Variants in ST3GAL3 observed in about 807,000 individuals in gnomAD.
ST3GAL3 encodes the protein CMP-N-acetylneuraminate-beta-1,4-galactoside alpha-2,3-sialyltransferase.
In ST3GAL3, 21 loss-of-function variants were observed where a neutral mutation model predicts 50.1. The observed-to-expected ratio is 0.42, with a 90% CI of 0.30 to 0.60. The LOEUF (loss-of-function observed/expected upper bound fraction) is 0.60, where lower values mean the gene tolerates loss of function less well. ST3GAL3 is among the 20% of genes least tolerant of loss of function. The pLI is 0.19. For missense variants in ST3GAL3, 353 were observed against 489.4 expected (o/e 0.72, Z 2.63); for synonymous variants, 183 against 190.0 (o/e 0.96, Z 0.30).
intron 5 of ST3GAL3, among the ~76,000 whole-genome samples, chr1:43,882,331 A>C (rs921348052): frequency 7.9e-5 from 12 of 152,206 alleles, no homozygotes; most frequent in Admixed American, 2.0e-4. Context: ...GGGCTAAAGC[A>C]TAGGGAAAGG....
rs111162033 is a variant in ST3GAL3, at chr1:43,905,334, C to T, written c.744+5607C>T. On this transcript the variant is annotated intron_variant, in intron 9 of 11. Coordinates refer to ENST00000347631, the MANE Select transcript of ST3GAL3 (RefSeq NM_006279.5). ...CTTTTCCTCCCCCTCCTCCTGTTCCCCTTCCCACCACTCTTCCCCCTCCTC... is the reference window on the plus strand; with the variant it reads ...CTTTTCCTCCCCCTCCTCCTGTTCCTCTTCCCACCACTCTTCCCCCTCCTC... Among the ~76,000 whole-genome samples the T allele has an allele frequency of 9.4e-3, 818 of 87,156 alleles. 25 individuals carry two copies. The highest frequency in any genetic ancestry group is 0.035 in the African/African-American group (735 of 21,066). 57.2% of individuals were successfully genotyped at this position (87,156 alleles called of 152,430 possible).
At chr1:43,920,273 C>G in intron 9 of ST3GAL3, 131 bp from the exon 10 acceptor site, 2 of 1,101,948 alleles carry the variant, frequency 1.8e-6, no homozygotes, top group South Asian at 2.6e-5. Flanking sequence ...CTTCCTACAC[C>G]ACAGGCCCTG....
intron 2 of ST3GAL3, 89 bp from the exon 3 acceptor site, chr1:43,792,013 T>C: frequency 6.7e-7 from 1 of 1,499,918 alleles, no homozygotes; most frequent in East Asian, 2.3e-5. Flanking sequence ...TTGACTCTGC[T>C]TTGAGGGAGG....
chr1:43,744,546 ATCT>A (rs1409086346), intron 2 of ST3GAL3, among the ~76,000 whole-genome samples: 3 of 151,980 alleles, frequency 2.0e-5, no homozygotes, highest in Non-Finnish European at 2.9e-5. Flanking sequence ...TGGCGGCATC[ATCT>A]TCTTTAAATA....
intron 3 of ST3GAL3, among the ~76,000 whole-genome samples, chr1:43,809,942 G>A (rs769333569): frequency 3.6e-4 from 54 of 149,944 alleles, no homozygotes; most frequent in Non-Finnish European, 1.9e-4. Context: ...GCAGTGAGCC[G>A]GGATTGCACC....
intron 5 of ST3GAL3, among the ~76,000 whole-genome samples, chr1:43,887,397 T>C (rs558386513): frequency 2.6e-5 from 4 of 152,200 alleles, no homozygotes; most frequent in Admixed American, 1.3e-4. Flanking sequence ...CCAAGAGAGA[T>C]AATAGACTAG....
At chr1:43,928,128 C>T (rs2084345848) in intron 11 of ST3GAL3, among the ~76,000 whole-genome samples, 1 of 152,098 alleles carries the variant, frequency 6.6e-6, no homozygotes, top group African/African-American at 2.4e-5. Flanking sequence ...ACAGAGCAAG[C>T]CATAAGTTCT....
chr1:43,764,780 C>T (rs893225707), intron 2 of ST3GAL3, among the ~76,000 whole-genome samples: 4 of 152,208 alleles, frequency 2.6e-5, no homozygotes, highest in African/African-American at 9.6e-5. Context: ...GTGGGCCAGG[C>T]AGCGCTCTTC....
chr1:43,757,589 A>G (rs1449370129), intron 2 of ST3GAL3, among the ~76,000 whole-genome samples: 3 of 152,224 alleles, frequency 2.0e-5, no homozygotes, highest in Admixed American at 1.3e-4. Context: ...TGGTTGCACA[A>G]AAACAAACAA....
intron 2 of ST3GAL3, among the ~76,000 whole-genome samples, chr1:43,789,072 T>C (rs1254342467): frequency 6.6e-6 from 1 of 151,774 alleles, no homozygotes; most frequent in African/African-American, 2.4e-5. Context: ...ATGAGGCAAA[T>C]GGTAAAGACA....
At chr1:43,739,512 G>A (rs1165024064) in intron 2 of ST3GAL3, among the ~76,000 whole-genome samples, 1 of 152,170 alleles carries the variant, frequency 6.6e-6, no homozygotes, top group African/African-American at 2.4e-5. Flanking sequence ...ACTGCACTTG[G>A]CCTGAGGCTA....
chr1:43,759,061 G>GCACACACA (rs1371102406), intron 2 of ST3GAL3, among the ~76,000 whole-genome samples: 1 of 76,572 alleles, frequency 1.3e-5, no homozygotes, highest in African/African-American at 8.6e-5. Context: ...AAACAAAAGC[G>GCACACACA]CGCGCACACA....
chr1:43,887,102 A>G (rs547330054), intron 5 of ST3GAL3, among the ~76,000 whole-genome samples: 1 of 152,308 alleles, frequency 6.6e-6, no homozygotes, highest in Admixed American at 6.5e-5. Flanking sequence ...ATACCTGCTT[A>G]AAGAGAGTTG....
At chr1:43,858,073 T>C (rs563226291) in intron 5 of ST3GAL3, 1 of 1,241,792 alleles carries the variant, frequency 8.1e-7, no homozygotes, top group South Asian at 1.3e-5. Context: ...TTGAAGTGAA[T>C]AGGGCTGGGT....
chr1:43,889,780 A>G lies in ST3GAL3; in HGVS notation c.303-4603A>G, dbSNP rs149551712. On this transcript the variant is annotated intron_variant, in intron 5 of 11. Transcript: ENST00000347631. Reference sequence around the variant, plus strand: ...TAAAGTCAAATATAGTAGGTAAACAATTTTTTGCTGTGTGAATTACATATC... The same window carrying G: ...TAAAGTCAAATATAGTAGGTAAACAGTTTTTTGCTGTGTGAATTACATATC... 3.0e-3 allele frequency among the ~76,000 whole-genome samples: 462 copies of G among 152,352 alleles called. 4 individuals are homozygous for G. Among genetic ancestry groups the G allele is most frequent in the African/African-American group, 0.01 (436 of 41,598 alleles).
At chr1:43,735,339 A>G (rs544225247) in intron 1 of ST3GAL3, among the ~76,000 whole-genome samples, 8 of 152,310 alleles carry the variant, frequency 5.3e-5, no homozygotes, top group African/African-American at 1.9e-4. Context: ...GGTGGGCCCA[A>G]TATAATCACA....
chr1:43,792,676 G>A (rs921854655), intron 3 of ST3GAL3, among the ~76,000 whole-genome samples: 1 of 152,138 alleles, frequency 6.6e-6, no homozygotes, highest in Non-Finnish European at 1.5e-5. Flanking sequence ...ATGCATGTAG[G>A]TGGACACACT....
At chr1:43,775,305 C>T (rs777390273) in intron 2 of ST3GAL3, among the ~76,000 whole-genome samples, 1 of 151,370 alleles carries the variant, frequency 6.6e-6, no homozygotes, top group Non-Finnish European at 1.5e-5. Flanking sequence ...ATGATCTCAG[C>T]TCACTGCAAC....
chr1:43,900,416 A>G (rs1443091883), intron 9 of ST3GAL3, among the ~76,000 whole-genome samples: 3 of 152,184 alleles, frequency 2.0e-5, no homozygotes, highest in African/African-American at 7.2e-5. Context: ...TATGTGGCAG[A>G]GTAAGGTCAA....
Sources: gnomAD v4.1 joint callset for allele counts (sites outside exome capture counted in the v4.1 genomes callset) on GRCh38, gnomAD v4.1.1 for gene constraint, MANE v1.5 for transcripts, NCBI Gene and HGNC (gene_info 2026-07-23, HGNC 2026-07-21) for gene names.